Variants in ABHD18 observed in about 807,000 individuals in gnomAD.
The protein encoded by ABHD18 is abhydrolase domain containing 18, also known as cardiolipin-specific deacylase, mitochondrial.
In ABHD18, 55 loss-of-function variants were observed where a neutral mutation model predicts 65.9. The observed-to-expected ratio is 0.84, with a 90% CI of 0.67 to 1.05. The LOEUF (loss-of-function observed/expected upper bound fraction) is 1.05, where lower values mean the gene tolerates loss of function less well. Among genes scored for constraint, ABHD18 ranks in the 50% least tolerant of loss-of-function variants. ABHD18 has a pLI of 0.00. For synonymous variants in ABHD18, 181 were observed against 180.2 expected, an observed-to-expected ratio of 1.00 and a Z score of -0.04; for missense variants, 533 against 558.5, an observed-to-expected ratio of 0.95 and a Z score of 0.46.
At chr4:128,018,063 C>A (rs929758457) in intron 8 of ABHD18, among the ~76,000 whole-genome samples, 1 of 152,188 alleles carries the variant, frequency 6.6e-6, no homozygotes, top group African/African-American at 2.4e-5. Flanking sequence ...AGCTGTGTCA[C>A]GTGCTAGCAT....
chr4:127,990,598 A>T (rs567015487), intron 4 of ABHD18, among the ~76,000 whole-genome samples: 1 of 152,164 alleles, frequency 6.6e-6, no homozygotes, highest in Admixed American at 6.6e-5. Flanking sequence ...AAATTTTTAC[A>T]ATGTACATGT....
intron 1 of ABHD18, among the ~76,000 whole-genome samples, chr4:127,982,041 T>A (rs997759823): frequency 6.6e-6 from 1 of 152,102 alleles, no homozygotes; most frequent in African/African-American, 2.4e-5. Context: ...TAAGTTGGTC[T>A]TGCAGGTTAT....
intron 8 of ABHD18, among the ~76,000 whole-genome samples, chr4:128,019,082 T>C (rs189062335): frequency 6.6e-6 from 1 of 152,272 alleles, no homozygotes; most frequent in African/African-American, 2.4e-5. Flanking sequence ...AAGGATTTAT[T>C]TTCCTACCTA....
At chr4:127,966,794 A>C (rs1439258371) in intron 1 of ABHD18, among the ~76,000 whole-genome samples, 1 of 141,316 alleles carries the variant, frequency 7.1e-6, no homozygotes, top group Non-Finnish European at 1.5e-5. Flanking sequence ...CTGAGGCAGG[A>C]GAATCCCTTG....
chr4:127,976,045 T>G (rs1747850506), intron 1 of ABHD18, among the ~76,000 whole-genome samples: 2 of 152,228 alleles, frequency 1.3e-5, no homozygotes, highest in South Asian at 4.1e-4. Context: ...AGGCTGGTCT[T>G]GAACTCAAGT....
At chr4:128,030,799 T>C (rs1213208364) in intron 12 of ABHD18, 127 bp downstream of exon 12, 1 of 1,405,510 alleles carries the variant, frequency 7.1e-7, no homozygotes, top group Non-Finnish European at 9.2e-7. Flanking sequence ...CCTCCTCACC[T>C]CCCACAAATC....
intron 1 of ABHD18, among the ~76,000 whole-genome samples, chr4:127,979,710 G>T (rs1748643967): frequency 6.6e-6 from 1 of 152,064 alleles, no homozygotes; most frequent in Non-Finnish European, 1.5e-5. Context: ...GAGGTCAGGA[G>T]TTTGAGACCA....
chr4:128,004,942 C>G (rs912400012), intron 4 of ABHD18, among the ~76,000 whole-genome samples: 2 of 147,568 alleles, frequency 1.4e-5, no homozygotes, highest in Non-Finnish European at 3.0e-5. Context: ...AAAAATTATA[C>G]ATGAGGCCAG....
intron 7 of ABHD18, among the ~76,000 whole-genome samples, chr4:128,016,973 A>G (rs1755622517): frequency 6.6e-6 from 1 of 151,828 alleles, no homozygotes; most frequent in Non-Finnish European, 1.5e-5. Flanking sequence ...GCTGGAGTAC[A>G]GTGGTGCAGT....
intron 1 of ABHD18, among the ~76,000 whole-genome samples, chr4:127,970,760 A>C (rs1579103558): frequency 6.6e-6 from 1 of 151,688 alleles, no homozygotes; most frequent in East Asian, 2.0e-4. Context: ...TGGTCAACAT[A>C]GCAAGACCCT....
Position 128,028,798 on chromosome 4 carries a change from T to G in ABHD18, c.1125T>G (p.Ser375=). ...GCAGAAACAGTCTTCGGAAAGAGTC[T>G]TTAATATTTATGAAAGGAGTCATGG... The part of the protein sequence containing the change: ...EQSRNSLRKE[S]LIFMKGVMDE... The change falls in exon 11 of 13, where the codon TCT becomes TCG. Residue 375 remains serine (S), a synonymous_variant. Coordinates refer to ENST00000645843, the MANE Select transcript of ABHD18 (RefSeq NM_001358451.3). The G allele has an allele frequency of 6.2e-7, 1 of 1,603,472 alleles. No homozygotes were observed. Among genetic ancestry groups the G allele is most frequent in the Non-Finnish European group, 8.5e-7 (1 of 1,177,078 alleles).
chr4:127,995,213 T>C (rs547164817), intron 4 of ABHD18, among the ~76,000 whole-genome samples: 22 of 152,332 alleles, frequency 1.4e-4, no homozygotes, highest in African/African-American at 4.8e-4. Flanking sequence ...TACTTGCAAA[T>C]AAACTGCTCC....
In ABHD18 at chr4:128,036,095, A is replaced by T. The variant is rs543368187; in HGVS notation, c.*282A>T. ...TGTTGTTACTGTTTATGAAAAACTA[A>T]ATTTTTAATCATGAATAATTTATTA... On this transcript the variant is annotated 3_prime_UTR_variant, in exon 13 of 13. Coordinates refer to ENST00000645843, the MANE Select transcript of ABHD18 (RefSeq NM_001358451.3). 59 of 243,336 alleles carry T rather than the reference A, an allele frequency of 2.4e-4. No individual in the cohort carries two copies. The highest frequency in any genetic ancestry group is 1.3e-3 in the African/African-American group (57 of 44,826). 15.1% of individuals were successfully genotyped at this position (243,336 alleles called of 1,614,324 possible).
intron 5 of ABHD18, 27 bp from the exon 6 acceptor site, chr4:128,009,080 T>C: frequency 3.1e-6 from 5 of 1,587,674 alleles, no homozygotes; most frequent in South Asian, 2.4e-5. Context: ...TATATTCTTT[T>C]GAGTATGTGT....
intron 3 of ABHD18, among the ~76,000 whole-genome samples, chr4:127,987,711 A>AT (rs1560845042): frequency 1.3e-5 from 2 of 151,436 alleles, no homozygotes; most frequent in Non-Finnish European, 2.9e-5. Flanking sequence ...AGACTCAAAA[A>AT]AAAAAAATAA....
intron 4 of ABHD18, among the ~76,000 whole-genome samples, chr4:128,002,248 C>T (rs1325617422): frequency 6.6e-6 from 1 of 151,640 alleles, no homozygotes; most frequent in Non-Finnish European, 1.5e-5. Context: ...GCACTCCAGC[C>T]TGGGCAACAG....
At chr4:127,967,733 T>C (rs1745914641) in intron 1 of ABHD18, among the ~76,000 whole-genome samples, 1 of 151,700 alleles carries the variant, frequency 6.6e-6, no homozygotes, top group Non-Finnish European at 1.5e-5. Flanking sequence ...AAAATGTCTC[T>C]TAGGAACACA....
intron 4 of ABHD18, among the ~76,000 whole-genome samples, chr4:128,005,755 CAT>C (rs1348533487): frequency 6.6e-6 from 1 of 152,204 alleles, no homozygotes; most frequent in Admixed American, 6.5e-5. Flanking sequence ...CTCCTGTGTG[CAT>C]TTTCTACCTC....
intron 1 of ABHD18, among the ~76,000 whole-genome samples, chr4:127,972,227 C>T (rs1009666258): frequency 1.3e-5 from 2 of 152,178 alleles, no homozygotes; most frequent in Non-Finnish European, 2.9e-5. Flanking sequence ...AGGTGTTCAT[C>T]AACTAGAAAG....
Sources: allele counts gnomAD v4.1 joint callset (sites outside exome capture counted in the v4.1 genomes callset), GRCh38; gene constraint gnomAD v4.1.1; transcripts MANE v1.5; gene names NCBI Gene and HGNC (gene_info 2026-07-23, HGNC 2026-07-21).